DCDC1: variants seen among roughly 807,000 people sequenced by gnomAD.
The protein encoded by DCDC1 is doublecortin domain containing 1.
Under a neutral mutation model 178.3 loss-of-function variants are expected in DCDC1, and 200 were observed. That is an observed-to-expected ratio of 1.12 (90% CI 1.00 to 1.26). The LOEUF is 1.26. Ranked by LOEUF, DCDC1 falls within the 50% of genes most tolerant of loss-of-function variation. The probability of loss-of-function intolerance (pLI) is 0.00; values close to 1 mark genes in which losing one functional copy is unlikely to be tolerated. For synonymous variants in DCDC1, 690 were observed against 604.8 expected, an observed-to-expected ratio of 1.14 and a Z score of -2.07; for missense variants, 1,983 against 1,749.2, an observed-to-expected ratio of 1.13 and a Z score of -2.38.
intron 18 of DCDC1, among the ~76,000 whole-genome samples, chr11:31,076,957 C>T (rs1470274178): frequency 6.6e-6 from 1 of 152,128 alleles, no homozygotes; most frequent in Non-Finnish European, 1.5e-5. Flanking sequence ...GGCTGCCTGA[C>T]CACCTTCTGT....
intron 5 of DCDC1, 25 bp from the exon 6 acceptor site, chr11:31,305,802 A>C: frequency 6.2e-7 from 1 of 1,608,250 alleles, no homozygotes; most frequent in South Asian, 1.1e-5. Flanking sequence ...GAGGTAAGTC[A>C]AAGTGATTTA....
At position 31,306,356 on chromosome 11, in the gene DCDC1, G is replaced by C. The variant is rs569228269; in HGVS notation, c.467C>G (p.Ser156Ter). Residue 156 changes from serine (S) to a stop codon, truncating the protein, a stop_gained, in exon 5 of 39, where the codon TCA becomes TGA. Coordinates refer to ENST00000684477, the MANE Select transcript of DCDC1 (RefSeq NM_001387274.1). LOFTEE classifies it high-confidence loss of function. ...VAEFSSLKFQ[S>*]ARNWQKLSQR... is the part of the protein sequence containing the mutation. ...AGACAATTTCTGCCAATTCCGGGCT[G>C]ACTGAAATTTTAAAGAAGAGAACTC... is the stretch of plus-strand genomic sequence containing the variant. The C allele has an allele frequency of 6.2e-7, 1 of 1,607,808 alleles. No individual in the cohort carries two copies. Among genetic ancestry groups the C allele is most frequent in the African/African-American group, 1.3e-5 (1 of 74,644 alleles).
chr11:31,000,274 T>C (rs1169625247), intron 20 of DCDC1, among the ~76,000 whole-genome samples: 2 of 152,210 alleles, frequency 1.3e-5, no homozygotes, highest in South Asian at 2.1e-4. Flanking sequence ...GAATTCAGTA[T>C]AATTGTCTTC....
At chr11:31,207,278 T>C (rs758430626) in intron 9 of DCDC1, among the ~76,000 whole-genome samples, 2 of 152,180 alleles carry the variant, frequency 1.3e-5, no homozygotes, top group Non-Finnish European at 2.9e-5. Flanking sequence ...CTAAATATTA[T>C]TCAGGTGATA....
rs780153880 is a variant in DCDC1, at chr11:30,911,514, T to C, written c.3654-94A>G. ...AGCACTGTGTTGCCTCTCAGCTCCA[T>C]GCATGCTCTGTAATAATGAATGTGA... On this transcript the variant is annotated intron_variant, in intron 27 of 38. Coordinates refer to ENST00000684477, the MANE Select transcript of DCDC1 (RefSeq NM_001387274.1). 20 of 872,428 alleles carry C rather than the reference T, an allele frequency of 2.3e-5. 1 individual carries two copies. The highest frequency in any genetic ancestry group is 1.6e-4 in the South Asian group (11 of 69,490). The allele number at this position is 872,428 out of a possible 1,614,324, so 54.0% of individuals were successfully genotyped here. A position where few individuals can be genotyped will look rare whatever the true frequency, so the allele number is the denominator to read the frequency against.
intron 21 of DCDC1, among the ~76,000 whole-genome samples, chr11:30,947,097 T>C (rs561884274): frequency 2.0e-5 from 3 of 152,184 alleles, no homozygotes; most frequent in South Asian, 4.1e-4. Flanking sequence ...CACAGGTTGA[T>C]CCTTGGAGTT....
intron 13 of DCDC1, among the ~76,000 whole-genome samples, chr11:31,105,841 C>T (rs1958811657): frequency 6.6e-6 from 1 of 152,046 alleles, no homozygotes; most frequent in Admixed American, 6.5e-5. Flanking sequence ...TCCAATAGCC[C>T]TTGCTTTGCT....
At chr11:31,284,631 TATC>T (rs1946685978) in intron 7 of DCDC1, among the ~76,000 whole-genome samples, 1 of 152,156 alleles carries the variant, frequency 6.6e-6, no homozygotes, top group Admixed American at 6.6e-5. Flanking sequence ...TCAAATTTAA[TATC>T]ATGTTTATGT....
chr11:30,963,720 T>C (rs1053237443), intron 20 of DCDC1, among the ~76,000 whole-genome samples: 1 of 152,116 alleles, frequency 6.6e-6, no homozygotes, highest in Non-Finnish European at 1.5e-5. Context: ...CTATAAACTA[T>C]CATGCAAACA....
chr11:30,884,937 G>T (rs767768636), intron 36 of DCDC1, among the ~76,000 whole-genome samples: 1 of 152,022 alleles, frequency 6.6e-6, no homozygotes, highest in South Asian at 2.1e-4. Context: ...ATGTTGAACT[G>T]TAATTCCAAA....
At chr11:31,146,624 G>A (rs1964486869) in intron 9 of DCDC1, among the ~76,000 whole-genome samples, 1 of 152,156 alleles carries the variant, frequency 6.6e-6, no homozygotes, top group East Asian at 1.9e-4. Context: ...TGCCCCACTG[G>A]CCTGCAGTGT....
At chr11:31,284,721 C>T (rs1946692749) in intron 7 of DCDC1, among the ~76,000 whole-genome samples, 1 of 151,792 alleles carries the variant, frequency 6.6e-6, no homozygotes, top group Admixed American at 6.6e-5. Flanking sequence ...TCACTGCAGC[C>T]TCTGCCTCTA....
chr11:31,028,655 G>A (rs1207086743), intron 20 of DCDC1, among the ~76,000 whole-genome samples: 2 of 151,970 alleles, frequency 1.3e-5, no homozygotes, highest in East Asian at 1.9e-4. Context: ...GTCACACTGT[G>A]ATAAACCTAT....
chr11:31,009,852 C>T (rs1344183144), intron 20 of DCDC1, among the ~76,000 whole-genome samples: 2 of 152,142 alleles, frequency 1.3e-5, no homozygotes, highest in African/African-American at 4.8e-5. Flanking sequence ...AACTTACAGT[C>T]ATGGCAAAAG....
intron 35 of DCDC1, 25 bp from the exon 36 acceptor site, chr11:30,893,022 T>C (rs1391293392): frequency 1.9e-6 from 3 of 1,611,962 alleles, no homozygotes; most frequent in African/African-American, 2.7e-5. Flanking sequence ...CCAGAGAATG[T>C]TGTGTTTAGA....
chr11:31,203,301 T>A (rs527405957), intron 9 of DCDC1, among the ~76,000 whole-genome samples: 1 of 152,208 alleles, frequency 6.6e-6, no homozygotes, highest in African/African-American at 2.4e-5. Context: ...AAGTGGATAC[T>A]AAAAATAATC....
intron 8 of DCDC1, among the ~76,000 whole-genome samples, chr11:31,259,106 T>C (rs923182156): frequency 3.9e-5 from 6 of 152,106 alleles, no homozygotes; most frequent in Non-Finnish European, 7.3e-5. Context: ...ATCCCAGCAC[T>C]TTGGGAGGCC....
intron 18 of DCDC1, among the ~76,000 whole-genome samples, chr11:31,072,053 T>C (rs991885655): frequency 1.3e-5 from 2 of 152,200 alleles, no homozygotes; most frequent in Non-Finnish European, 2.9e-5. Flanking sequence ...AATTAAAAAA[T>C]AAAGCAATAG....
chr11:31,015,181 C>T (rs530532216), intron 20 of DCDC1, among the ~76,000 whole-genome samples: 22 of 152,182 alleles, frequency 1.4e-4, no homozygotes, highest in Admixed American at 9.8e-4. Context: ...ATCTCCTGAC[C>T]TCGTGATCCA....
Sources: gnomAD v4.1 joint callset for allele counts (sites outside exome capture counted in the v4.1 genomes callset) on GRCh38, gnomAD v4.1.1 for gene constraint, MANE v1.5 for transcripts, NCBI Gene and HGNC (gene_info 2026-07-23, HGNC 2026-07-21) for gene names.